Variants in AGAP1 observed in about 807,000 individuals in gnomAD.
AGAP1 encodes ArfGAP with GTPase domain, ankyrin repeat and PH domain 1.
Under a neutral mutation model 105.3 loss-of-function variants are expected in AGAP1, and 29 were observed. The observed-to-expected ratio is 0.28, with a 90% CI of 0.21 to 0.38. The LOEUF (loss-of-function observed/expected upper bound fraction) is 0.38, where lower values mean the gene tolerates loss of function less well. Among genes scored for constraint, AGAP1 ranks in the 10% least tolerant of loss-of-function variants. The probability of loss-of-function intolerance (pLI) is 1.00; values close to 1 mark genes in which losing one functional copy is unlikely to be tolerated. For synonymous variants in AGAP1, 509 were observed against 485.9 expected (o/e 1.05, Z -0.63); for missense variants, 998 against 1,165.1 (o/e 0.86, Z 2.09).
chr2:235,825,384 G>A (rs1038632661), intron 9 of AGAP1, among the ~76,000 whole-genome samples: 1 of 152,178 alleles, frequency 6.6e-6, no homozygotes, highest in Non-Finnish European at 1.5e-5. Context: ...ATATCTTGTT[G>A]GCCGTGCTTA....
intron 12 of AGAP1, among the ~76,000 whole-genome samples, chr2:235,966,543 T>G (rs888484362): frequency 3.3e-5 from 5 of 152,084 alleles, no homozygotes; most frequent in Non-Finnish European, 7.4e-5. Context: ...TCCTGCCTGG[T>G]AGAGGGAAAG....
intron 1 of AGAP1, among the ~76,000 whole-genome samples, chr2:235,530,609 G>C (rs780718327): frequency 6.6e-6 from 1 of 152,082 alleles, no homozygotes; most frequent in Middle Eastern, 3.2e-3. Flanking sequence ...AAAACCAGCT[G>C]TGTAGCATCT....
At position 235,586,350 on chromosome 2, in the gene AGAP1, A is replaced by G. The variant is rs890974843; in HGVS notation, c.163+91501A>G. 1.3e-5 allele frequency among the ~76,000 whole-genome samples: 2 copies of G among 151,864 alleles called. No individual in the cohort carries two copies. The highest frequency in any genetic ancestry group is 2.9e-5 in the Non-Finnish European group (2 of 67,956). ...GGATGCAGGTGGGCACACTGCTACA[A>G]CCCCCTGGGTGTGTGTGGAGTTGGG... On this transcript the variant is annotated intron_variant, in intron 1 of 17. Transcript: ENST00000304032. The surrounding 1 kb of genome is among the most constrained non-coding windows in gnomAD (Gnocchi z 4.2).
rs951620808 is a variant in AGAP1, at chr2:235,728,324, T to TGTGC, written c.310+10685_310+10688dup. 6.6e-6 allele frequency among the ~76,000 whole-genome samples: 1 copy of TGTGC among 150,946 alleles called. No individual in the cohort carries two copies. Among genetic ancestry groups the TGTGC allele is most frequent in the Non-Finnish European group, 1.5e-5 (1 of 67,968 alleles). ...CTCTGTGTGTGTGTGTGTGTGTGTGTGTGCGTGCTCTTAAATCAATGTAAA... is the reference window on the plus strand; with the variant it reads ...CTCTGTGTGTGTGTGTGTGTGTGTGTGTGCGTGCGTGCTCTTAAATCAATGTAAA... On this transcript the variant is annotated intron_variant, in intron 3 of 17. Coordinates refer to ENST00000304032, the MANE Select transcript of AGAP1 (RefSeq NM_001037131.3). This position sits in a 1 kb window ranked among gnomAD's most constrained non-coding sequence, Gnocchi z 4.3.
intron 1 of AGAP1, among the ~76,000 whole-genome samples, chr2:235,512,339 G>C (rs1300612028): frequency 2.0e-5 from 3 of 152,208 alleles, no homozygotes; most frequent in Non-Finnish European, 4.4e-5. Flanking sequence ...GCTCACACCT[G>C]TGATCCCAAC....
rs1186065903 is a variant in AGAP1, at chr2:235,586,226, C to T, written c.163+91377C>T. On this transcript the variant is annotated intron_variant, in intron 1 of 17. Transcript: ENST00000304032. This position sits in a 1 kb window ranked among gnomAD's most constrained non-coding sequence, Gnocchi z 4.2. Reference sequence around the variant, plus strand: ...ACAAAGAGGGTGAGCCCTCAGCCCGCCATACGGGCATGTTATCCAGAAGAG... The same window carrying T: ...ACAAAGAGGGTGAGCCCTCAGCCCGTCATACGGGCATGTTATCCAGAAGAG... Among the ~76,000 whole-genome samples the T allele has an allele frequency of 6.6e-6, 1 of 152,212 alleles. No homozygotes were observed. Among genetic ancestry groups the T allele is most frequent in the Non-Finnish European group, 1.5e-5 (1 of 68,036 alleles).
chr2:236,079,274 CT>C (rs1368657145), intron 16 of AGAP1, among the ~76,000 whole-genome samples: 3,253 of 151,696 alleles, frequency 0.021, 51 homozygotes, highest in African/African-American at 0.045. Context: ...AATCCCAGCA[CT>C]TTGGGAGGCC....
intron 9 of AGAP1, among the ~76,000 whole-genome samples, chr2:235,873,293 G>T (rs376185996): frequency 6.6e-6 from 1 of 152,194 alleles, no homozygotes; most frequent in Non-Finnish European, 1.5e-5. Context: ...ATCCACAAAA[G>T]CTATTTCCCG....
intron 6 of AGAP1, among the ~76,000 whole-genome samples, chr2:235,782,378 C>G (rs2149941394): frequency 6.6e-6 from 1 of 152,156 alleles, no homozygotes; most frequent in East Asian, 1.9e-4. Flanking sequence ...GTTTTCTATA[C>G]TTTGACAATG....
Position 235,566,281 on chromosome 2 carries a change from G to T in AGAP1, c.163+71432G>T, listed in dbSNP as rs1944343696. 6.6e-6 allele frequency among the ~76,000 whole-genome samples: 1 copy of T among 152,096 alleles called. No homozygotes were observed. The highest frequency in any genetic ancestry group is 1.5e-5 in the Non-Finnish European group (1 of 68,028). On this transcript the variant is annotated intron_variant, in intron 1 of 17. Coordinates refer to ENST00000304032, the MANE Select transcript of AGAP1 (RefSeq NM_001037131.3). This position sits in a 1 kb window ranked among gnomAD's most constrained non-coding sequence, Gnocchi z 5.2. ...TAATTTTGTATTTTTAGTACAGACG[G>T]AGTTTCTCCATGTTTGTCAGGCTGG...
In AGAP1 at chr2:235,689,892, C is replaced by T. The variant is rs1396570126; in HGVS notation, c.164-19287C>T. Among the ~76,000 whole-genome samples, 1 of 152,180 alleles carries T rather than the reference C, an allele frequency of 6.6e-6. No individual in the cohort carries two copies. Among genetic ancestry groups the T allele is most frequent in the Non-Finnish European group, 1.5e-5 (1 of 68,030 alleles). On this transcript the variant is annotated intron_variant, in intron 1 of 17. Transcript: ENST00000304032. This position sits in a 1 kb window ranked among gnomAD's most constrained non-coding sequence, Gnocchi z 4.2. ...CAGGAGTTTCTGTGTGCATGATGCA[C>T]TTCAGAACCTATAGTGTCATTTGTG...
intron 8 of AGAP1, among the ~76,000 whole-genome samples, chr2:235,802,206 C>G (rs2150062560): frequency 6.6e-6 from 1 of 152,278 alleles, no homozygotes; most frequent in South Asian, 2.1e-4. Flanking sequence ...GCTCTGCACA[C>G]TAGGAGGAGA....
In AGAP1 at chr2:235,866,061, G is replaced by C. The variant is rs996065352; in HGVS notation, c.1051-17284G>C. Among the ~76,000 whole-genome samples, 5 of 152,132 alleles carry C rather than the reference G, an allele frequency of 3.3e-5. No individual in the cohort carries two copies. The highest frequency in any genetic ancestry group is 1.2e-4 in the African/African-American group (5 of 41,420). ...TTTTTGCCACACTTGATTTTTTTCT[G>C]CTAAACCCTACGTCTTGCAGTATAT... On this transcript the variant is annotated intron_variant, in intron 9 of 17. Coordinates refer to ENST00000304032, the MANE Select transcript of AGAP1 (RefSeq NM_001037131.3). The surrounding 1 kb of genome is among the most constrained non-coding windows in gnomAD (Gnocchi z 6.1).
At chr2:235,592,476 G>T (rs1191511773) in intron 1 of AGAP1, among the ~76,000 whole-genome samples, 3 of 152,168 alleles carry the variant, frequency 2.0e-5, no homozygotes. Flanking sequence ...GTTTTGGAGG[G>T]CAGGGCTCCA....
At chr2:235,590,132 C>T (rs761956870) in intron 1 of AGAP1, among the ~76,000 whole-genome samples, 10 of 152,158 alleles carry the variant, frequency 6.6e-5, no homozygotes, top group African/African-American at 9.6e-5. Context: ...CTGCCCGCCT[C>T]GGCCTCCCAA....
At chr2:235,894,064 A>T (rs1190296843) in intron 10 of AGAP1, among the ~76,000 whole-genome samples, 1 of 152,218 alleles carries the variant, frequency 6.6e-6, no homozygotes, top group African/African-American at 2.4e-5. Context: ...AAAGCAATCC[A>T]TTTAGAGGCA....
At chr2:236,070,847 A>G (rs1034703763) in intron 16 of AGAP1, among the ~76,000 whole-genome samples, 9 of 152,176 alleles carry the variant, frequency 5.9e-5, no homozygotes, top group African/African-American at 2.2e-4. Context: ...GGTGATCAAA[A>G]TGTCCCCAAA....
rs1407026103 is a variant in AGAP1, at chr2:235,573,063, T to C, written c.163+78214T>C. Among the ~76,000 whole-genome samples, 10 of 129,860 alleles carry C rather than the reference T, an allele frequency of 7.7e-5. 2 individuals are homozygous for C. The highest frequency in any genetic ancestry group is 2.9e-4 in the African/African-American group (9 of 30,576). The allele number at this position is 129,860 out of a possible 152,430, so 85.2% of individuals were successfully genotyped here. On this transcript the variant is annotated intron_variant, in intron 1 of 17. Transcript: ENST00000304032. Reference sequence around the variant, plus strand: ...TCTTCTTCTTCTTCTTCTTCTTCTTTCTTCTTTCTTCTTTCTTCTTTCTTC... The same window carrying C: ...TCTTCTTCTTCTTCTTCTTCTTCTTCCTTCTTTCTTCTTTCTTCTTTCTTC...
rs942571576 is a variant in AGAP1, at chr2:235,936,892, C to T, written c.1483+5969C>T. 2.6e-5 allele frequency among the ~76,000 whole-genome samples: 4 copies of T among 151,986 alleles called. No homozygotes were observed. The highest frequency in any genetic ancestry group is 9.7e-5 in the African/African-American group (4 of 41,374). On this transcript the variant is annotated intron_variant, in intron 12 of 17. Transcript: ENST00000304032. This position sits in a 1 kb window ranked among gnomAD's most constrained non-coding sequence, Gnocchi z 4.7. ...TATCATTATTAGCCAAAATTCAAAC[C>T]CAGATCTTTCTGATTTCAAAGCTTG...
Sources: allele counts gnomAD v4.1 joint callset (sites outside exome capture counted in the v4.1 genomes callset), GRCh38; gene constraint gnomAD v4.1.1; non-coding constraint Gnocchi (gnomAD v3.1); transcripts MANE v1.5; gene names NCBI Gene and HGNC (gene_info 2026-07-23, HGNC 2026-07-21).